NIBAN1: variants seen among roughly 807,000 people sequenced by gnomAD.
NIBAN1 encodes the protein protein Niban 1.
Under a neutral mutation model 75.1 loss-of-function variants are expected in NIBAN1, and 81 were observed. The ratio of observed to expected loss-of-function variants is 1.08; its 90% CI spans 0.90 to 1.30. The LOEUF (loss-of-function observed/expected upper bound fraction) is 1.30, where lower values mean the gene tolerates loss of function less well. Ranked by LOEUF, NIBAN1 falls within the 50% of genes most tolerant of loss-of-function variation. The pLI, the probability that NIBAN1 is intolerant of heterozygous loss-of-function variation, is 0.00. For synonymous variants in NIBAN1, 436 were observed against 424.8 expected (o/e 1.03, Z -0.32); for missense variants, 1,133 against 1,128.1 (o/e 1.00, Z -0.06).
At chr1:184,862,705 T>C (rs1338722746) in intron 5 of NIBAN1, among the ~76,000 whole-genome samples, 9 of 152,178 alleles carry the variant, frequency 5.9e-5, no homozygotes, top group Admixed American at 4.6e-4. Flanking sequence ...AAGAATTCCA[T>C]ATGCCCATCT....
chr1:184,838,785 A>T (rs1655204236), intron 5 of NIBAN1, among the ~76,000 whole-genome samples: 1 of 152,008 alleles, frequency 6.6e-6, no homozygotes, highest in South Asian at 2.1e-4. Flanking sequence ...TGGTGTTGGG[A>T]CTCCCTGACT....
At chr1:184,812,508 C>G (rs1302722332) in intron 9 of NIBAN1, among the ~76,000 whole-genome samples, 1 of 152,162 alleles carries the variant, frequency 6.6e-6, no homozygotes, top group African/African-American at 2.4e-5. Context: ...TTTCTGGCTT[C>G]TCTCTATATA....
rs969133546 is a variant in NIBAN1, at chr1:184,905,279, C to A, written c.56-5970G>T. On this transcript the variant is annotated intron_variant, in intron 1 of 13. Coordinates refer to ENST00000367511, the MANE Select transcript of NIBAN1 (RefSeq NM_052966.4). Reference sequence around the variant, plus strand: ...TAGAGGTGGGAACTGTATTTCAGAACCAAATCTTGGCACTGATGTTACTAA... The same window carrying A: ...TAGAGGTGGGAACTGTATTTCAGAAACAAATCTTGGCACTGATGTTACTAA... Among the ~76,000 whole-genome samples, 10 of 152,102 alleles carry A rather than the reference C, an allele frequency of 6.6e-5. No individual in the cohort carries two copies. The East Asian group carries it at 1.5e-3, about 23-fold the overall frequency.
At chr1:184,963,485 T>G (rs1658703107) in intron 1 of NIBAN1, among the ~76,000 whole-genome samples, 1 of 152,100 alleles carries the variant, frequency 6.6e-6, no homozygotes, top group Non-Finnish European at 1.5e-5. Flanking sequence ...ACTGTCAAAT[T>G]TGCAGATAAT....
intron 1 of NIBAN1, among the ~76,000 whole-genome samples, chr1:184,900,727 A>G (rs1656931739): frequency 6.6e-6 from 1 of 152,174 alleles, no homozygotes; most frequent in African/African-American, 2.4e-5. Context: ...TCTCATGCAG[A>G]TTAGAAACCC....
At chr1:184,885,462 A>G (rs1571546864) in intron 4 of NIBAN1, among the ~76,000 whole-genome samples, 1 of 152,168 alleles carries the variant, frequency 6.6e-6, no homozygotes, top group African/African-American at 2.4e-5. Context: ...GGCATGAGCC[A>G]CCGCGCCCAG....
chr1:184,950,267 G>A (rs1333317192), intron 1 of NIBAN1, among the ~76,000 whole-genome samples: 1 of 152,136 alleles, frequency 6.6e-6, no homozygotes, highest in African/African-American at 2.4e-5. Context: ...TTAGTGAGAA[G>A]GTGCACGACT....
At chr1:184,942,972 T>G (rs1438776055) in intron 1 of NIBAN1, among the ~76,000 whole-genome samples, 1 of 152,194 alleles carries the variant, frequency 6.6e-6, no homozygotes, top group Non-Finnish European at 1.5e-5. Context: ...GAGAAGAACA[T>G]CAGTGGCGGA....
intron 3 of NIBAN1, among the ~76,000 whole-genome samples, chr1:184,892,595 G>A (rs1656697149): frequency 6.6e-6 from 1 of 152,118 alleles, no homozygotes; most frequent in Non-Finnish European, 1.5e-5. Flanking sequence ...AAAAGAGTAA[G>A]TCTACCCAAG....
chr1:184,879,997 C>T (rs923320750), intron 5 of NIBAN1, among the ~76,000 whole-genome samples: 1 of 152,222 alleles, frequency 6.6e-6, no homozygotes, highest in Non-Finnish European at 1.5e-5. Context: ...TGCACACATG[C>T]TTCCCAGATA....
intron 1 of NIBAN1, among the ~76,000 whole-genome samples, chr1:184,903,160 T>C (rs540263595): frequency 1.3e-5 from 2 of 152,202 alleles, no homozygotes; most frequent in Non-Finnish European, 1.5e-5. Context: ...GGTCTTATAC[T>C]GAAAGGAGAT....
At chr1:184,948,938 G>T (rs554861730) in intron 1 of NIBAN1, among the ~76,000 whole-genome samples, 35 of 152,210 alleles carry the variant, frequency 2.3e-4, no homozygotes, top group Admixed American at 2.0e-3. Context: ...CATGTTTTAT[G>T]TAGTAATTTA....
At chr1:184,891,673 G>C (rs1656669994) in intron 3 of NIBAN1, among the ~76,000 whole-genome samples, 1 of 152,084 alleles carries the variant, frequency 6.6e-6, no homozygotes, top group Admixed American at 6.6e-5. Context: ...TGCCTGTCCA[G>C]CCCCAGTGCA....
chr1:184,917,429 G>A (rs12732907), intron 1 of NIBAN1, among the ~76,000 whole-genome samples: 1 of 142,886 alleles, frequency 7.0e-6, no homozygotes, highest in Non-Finnish European at 1.5e-5. Flanking sequence ...AGCCAGGAAG[G>A]TCTTGATCTG....
chr1:184,802,466 C>T (rs1654071236), intron 12 of NIBAN1, among the ~76,000 whole-genome samples: 1 of 152,228 alleles, frequency 6.6e-6, no homozygotes, highest in Non-Finnish European at 1.5e-5. Context: ...CATTTGGCTG[C>T]TGAACTGTTC....
intron 9 of NIBAN1, among the ~76,000 whole-genome samples, chr1:184,811,300 G>A (rs571142098): frequency 6.6e-6 from 1 of 152,186 alleles, no homozygotes; most frequent in South Asian, 2.1e-4. Context: ...AAAAATCATT[G>A]GCTAAGTTAA....
intron 1 of NIBAN1, among the ~76,000 whole-genome samples, chr1:184,913,840 T>TC (rs1347998873): frequency 3.3e-5 from 5 of 152,182 alleles, no homozygotes; most frequent in African/African-American, 4.8e-5. Flanking sequence ...CAGGTGAACT[T>TC]CCTGTTGATT....
intron 1 of NIBAN1, among the ~76,000 whole-genome samples, chr1:184,960,297 A>G (rs1658596378): frequency 6.6e-6 from 1 of 152,116 alleles, no homozygotes; most frequent in South Asian, 2.1e-4. Flanking sequence ...CACCAATTGT[A>G]TTTTCTAAAA....
intron 11 of NIBAN1, among the ~76,000 whole-genome samples, chr1:184,805,735 T>C (rs1219614046): frequency 2.0e-5 from 3 of 152,136 alleles, no homozygotes; most frequent in Admixed American, 2.0e-4. Context: ...TGGGTAATGA[T>C]GCTGAGGACC....
Sources: allele counts gnomAD v4.1 joint callset (sites outside exome capture counted in the v4.1 genomes callset), GRCh38; gene constraint gnomAD v4.1.1; transcripts MANE v1.5; gene names NCBI Gene and HGNC (gene_info 2026-07-23, HGNC 2026-07-21).